ETV6: variants seen among roughly 807,000 people sequenced by gnomAD.
ETV6 encodes transcription factor ETV6.
ETV6 carries 16 observed loss-of-function variants against 51.1 expected under a neutral mutation model. That is an observed-to-expected ratio of 0.31 (90% CI 0.21 to 0.48). The LOEUF is 0.48. ETV6 is among the 20% of genes least tolerant of loss of function. The pLI is 0.99. For synonymous variants in ETV6, 240 were observed against 224.1 expected (o/e 1.07, Z -0.64); for missense variants, 458 against 594.8 (o/e 0.77, Z 2.39).
rs900603864 is a variant in ETV6 at position 11,891,724 on chromosome 12, C to T, written c.*678C>T. On this transcript the variant is annotated 3_prime_UTR_variant, in exon 8 of 8. Coordinates refer to ENST00000396373, the MANE Select transcript of ETV6 (RefSeq NM_001987.5). ...CCTGCCTGCAGTTGAGATTCAGATGCCTTCTGACAGAGTTCAGCCTCTTGG... is the reference window on the plus strand; with the variant it reads ...CCTGCCTGCAGTTGAGATTCAGATGTCTTCTGACAGAGTTCAGCCTCTTGG... 2.3e-6 allele frequency: 1 copy of T among 430,640 alleles called. No homozygotes were observed. Among genetic ancestry groups the T allele is most frequent in the South Asian group, 2.1e-5 (1 of 46,800 alleles). The allele number at this position is 430,640 out of a possible 1,614,324, so 26.7% of individuals were successfully genotyped here.
At chr12:11,653,809 TA>T in intron 1 of ETV6, among the ~76,000 whole-genome samples, 1 of 151,924 alleles carries the variant, frequency 6.6e-6, no homozygotes, top group South Asian at 2.1e-4. Flanking sequence ...TTTGATACAA[TA>T]ATGTTTTATA....
intron 1 of ETV6, among the ~76,000 whole-genome samples, chr12:11,725,056 C>CCT (rs1368877614): frequency 6.6e-6 from 1 of 152,166 alleles, no homozygotes; most frequent in Non-Finnish European, 1.5e-5. Context: ...TCCCTGCCCA[C>CCT]TTCCCCATCA....
At chr12:11,668,667 A>G (rs979535680) in intron 1 of ETV6, among the ~76,000 whole-genome samples, 1 of 152,180 alleles carries the variant, frequency 6.6e-6, no homozygotes, top group African/African-American at 2.4e-5. Flanking sequence ...TTCTGGATGA[A>G]AGTTGCAAGG....
chr12:11,739,981 A>G (rs953804816), intron 1 of ETV6, among the ~76,000 whole-genome samples: 3 of 152,196 alleles, frequency 2.0e-5, no homozygotes, highest in Admixed American at 6.5e-5. Flanking sequence ...GTTTATGACA[A>G]TTGAGGGTTG....
At chr12:11,715,422 C>A (rs1176588196) in intron 1 of ETV6, among the ~76,000 whole-genome samples, 1 of 152,158 alleles carries the variant, frequency 6.6e-6, no homozygotes, top group Non-Finnish European at 1.5e-5. Context: ...TTTAAATACT[C>A]ATTATCACCT....
At chr12:11,883,276 C>CTTCTTTTTTTTTTTT (rs776231778) in intron 5 of ETV6, among the ~76,000 whole-genome samples, 7 of 79,104 alleles carry the variant, frequency 8.8e-5, no homozygotes, top group African/African-American at 4.4e-4. Flanking sequence ...ATGTCTTCTT[C>CTTCTTTTTTTTTTTT]TTTTTTTTTT....
At chr12:11,815,662 A>G (rs995626036) in intron 2 of ETV6, among the ~76,000 whole-genome samples, 2 of 152,236 alleles carry the variant, frequency 1.3e-5, no homozygotes, top group African/African-American at 4.8e-5. Flanking sequence ...AGCACTTTGC[A>G]AACTGTGGAG....
chr12:11,874,244 G>A (rs552362571), intron 5 of ETV6, among the ~76,000 whole-genome samples: 7 of 151,880 alleles, frequency 4.6e-5, no homozygotes, highest in African/African-American at 1.4e-4. Flanking sequence ...GGGCATGGTG[G>A]TGCACACCTG....
chr12:11,733,916 C>T (rs184856801), intron 1 of ETV6, among the ~76,000 whole-genome samples: 1 of 152,302 alleles, frequency 6.6e-6, no homozygotes, highest in East Asian at 1.9e-4. Context: ...TAGTTGCAGC[C>T]ACTAACATGT....
rs149416707 is a variant in ETV6, at chr12:11,869,659, C to T, written c.699C>T (p.Tyr233=). Residue 233 remains tyrosine, a synonymous_variant, in exon 5 of 8, where the codon TAC becomes TAT. Transcript: ENST00000396373. This position sits in a 1 kb window ranked among gnomAD's most constrained non-coding sequence, Gnocchi z 5.0. Reference sequence around the variant, plus strand: ...AGGAGAACAACCACCAGGAGTCCTACCCTCTGTCAGTGTCTCCCATGGAGA... The same window carrying T: ...AGGAGAACAACCACCAGGAGTCCTATCCTCTGTCAGTGTCTCCCATGGAGA... ...PHQENNHQES[Y]PLSVSPMENN... is the part of the protein sequence containing the mutation. 1.9e-6 allele frequency: 3 copies of T among 1,614,086 alleles called. No individual in the cohort carries two copies. Among genetic ancestry groups the T allele is most frequent in the Non-Finnish European group, 2.5e-6 (3 of 1,180,034 alleles).
intron 2 of ETV6, among the ~76,000 whole-genome samples, chr12:11,784,741 T>C (rs914108143): frequency 6.6e-6 from 1 of 152,068 alleles, no homozygotes; most frequent in Admixed American, 6.6e-5. Flanking sequence ...GGCTCTTGCC[T>C]CGGCTGGAGT....
chr12:11,723,734 C>T (rs987326241), intron 1 of ETV6, among the ~76,000 whole-genome samples: 2 of 152,178 alleles, frequency 1.3e-5, no homozygotes, highest in African/African-American at 2.4e-5. Context: ...GTAAATTTGG[C>T]CTCTGCTCTT....
intron 1 of ETV6, among the ~76,000 whole-genome samples, chr12:11,704,607 C>A (rs1274481752): frequency 6.6e-6 from 1 of 152,144 alleles, no homozygotes; most frequent in Non-Finnish European, 1.5e-5. Context: ...TTGGCCTCTC[C>A]CTTGCTGGGA....
intron 2 of ETV6, among the ~76,000 whole-genome samples, chr12:11,765,317 A>G (rs531675113): frequency 1.3e-5 from 2 of 152,170 alleles, no homozygotes; most frequent in South Asian, 2.1e-4. Flanking sequence ...ATGCAATCTA[A>G]TTGCAAAGTG....
chr12:11,791,973 C>T (rs1028253899), intron 2 of ETV6, among the ~76,000 whole-genome samples: 2 of 152,038 alleles, frequency 1.3e-5, no homozygotes, highest in South Asian at 2.1e-4. Context: ...TTGAGAACCC[C>T]GTTGGGAGGG....
At position 11,769,747 on chromosome 12, in the gene ETV6, C is replaced by T. The variant is rs1384061206; in HGVS notation, c.163+17168C>T. 2.0e-5 allele frequency among the ~76,000 whole-genome samples: 3 copies of T among 152,216 alleles called. No individual in the cohort carries two copies. The South Asian group carries it at 6.2e-4, about 32-fold the overall frequency. ...ATCTAGACTGTAACATGCCCCTTCA[C>T]TCCTCTGGTGAGGAAGTGCGGGAAG... is the stretch of plus-strand genomic sequence containing the variant. On this transcript the variant is annotated intron_variant, in intron 2 of 7. Coordinates refer to ENST00000396373, the MANE Select transcript of ETV6 (RefSeq NM_001987.5).
chr12:11,829,272 C>G (rs1946205697), intron 2 of ETV6, among the ~76,000 whole-genome samples: 2 of 152,210 alleles, frequency 1.3e-5, no homozygotes, highest in East Asian at 1.9e-4. Context: ...ACCCAACCCC[C>G]CAAAATGCAT....
chr12:11,763,601 A>T (rs989180579), intron 2 of ETV6, among the ~76,000 whole-genome samples: 1 of 152,254 alleles, frequency 6.6e-6, no homozygotes, highest in African/African-American at 2.4e-5. Context: ...TTTGCTTCAG[A>T]TGAATCCAAG....
intron 2 of ETV6, among the ~76,000 whole-genome samples, chr12:11,799,284 G>A (rs923409742): frequency 5.9e-4 from 90 of 152,254 alleles, no homozygotes; most frequent in African/African-American, 2.0e-3. Context: ...CTCCTTTACT[G>A]CCATCCATCT....
Sources: gnomAD v4.1 joint callset for allele counts (sites outside exome capture counted in the v4.1 genomes callset) on GRCh38, gnomAD v4.1.1 for gene constraint, Gnocchi (gnomAD v3.1) non-coding constraint, MANE v1.5 for transcripts, NCBI Gene and HGNC (gene_info 2026-07-23, HGNC 2026-07-21) for gene names.